MARCHF3: variants seen among roughly 807,000 people sequenced by gnomAD.
The protein encoded by MARCHF3 is E3 ubiquitin-protein ligase MARCHF3.
A neutral mutation model predicts 24.2 loss-of-function variants in MARCHF3; 13 were observed. The ratio of observed to expected loss-of-function variants is 0.54; its 90% CI spans 0.35 to 0.85. MARCHF3 has a LOEUF of 0.85. MARCHF3 is among the 40% of genes least tolerant of loss of function. The pLI, the probability that MARCHF3 is intolerant of heterozygous loss-of-function variation, is 0.01. For missense variants in MARCHF3, 276 were observed against 325.0 expected (o/e 0.85, Z 1.16); for synonymous variants, 144 against 137.3 (o/e 1.05, Z -0.34).
At chr5:127,010,867 A>C (rs993512806) in intron 1 of MARCHF3, among the ~76,000 whole-genome samples, 1 of 152,168 alleles carries the variant, frequency 6.6e-6, no homozygotes, top group Non-Finnish European at 1.5e-5. Context: ...AAAATCACAG[A>C]GACAACAAGG....
intron 3 of MARCHF3, among the ~76,000 whole-genome samples, chr5:126,911,669 GAA>G (rs1322830439): frequency 6.6e-6 from 1 of 152,100 alleles, no homozygotes; most frequent in Non-Finnish European, 1.5e-5. Flanking sequence ...CTTGCACCAA[GAA>G]AATATGAATA....
rs543547964 is a variant in MARCHF3, at chr5:126,882,867, T to C, written c.394-4473A>G. 2.0e-5 allele frequency among the ~76,000 whole-genome samples: 3 copies of C among 152,178 alleles called. No homozygotes were observed. The East Asian group carries it at 5.8e-4, about 29-fold the overall frequency. On this transcript the variant is annotated intron_variant, in intron 3 of 4. Transcript: ENST00000308660. Reference sequence around the variant, plus strand: ...ATTATTATCACTGCCATTTTATAGATAGGGAAAATGAGACACAGAGAATTT... The same window carrying C: ...ATTATTATCACTGCCATTTTATAGACAGGGAAAATGAGACACAGAGAATTT...
intron 1 of MARCHF3, among the ~76,000 whole-genome samples, chr5:126,939,733 C>T (rs777479799): frequency 6.6e-6 from 1 of 152,106 alleles, no homozygotes; most frequent in Non-Finnish European, 1.5e-5. Flanking sequence ...AATACTGAAC[C>T]ATTGCTCTTA....
chr5:126,878,327 A>T lies in MARCHF3; in HGVS notation c.461T>A (p.Phe154Tyr). Residue 154 changes from phenylalanine (F) to tyrosine (Y), a missense_variant, in exon 4 of 5, where the codon TTT becomes TAT. Phe to Tyr is a conservative substitution (Grantham distance 22). Transcript: ENST00000308660. ...CGAGATGGTGGCCAGGGGAGTTATA[A>T]ACAAGAAGCACACCATGTCGCCAAA... is the stretch of plus-strand genomic sequence containing the variant. ...TLFGDMVCFL[F>Y]ITPLATISGW... The T allele has an allele frequency of 6.2e-7, 1 of 1,614,226 alleles. No individual in the cohort carries two copies. Among genetic ancestry groups the T allele is most frequent in the Non-Finnish European group, 8.5e-7 (1 of 1,180,042 alleles).
intron 2 of MARCHF3, among the ~76,000 whole-genome samples, chr5:126,916,964 A>G (rs990550879): frequency 2.6e-5 from 4 of 152,226 alleles, no homozygotes; most frequent in Non-Finnish European, 4.4e-5. Flanking sequence ...TTGCACTAGC[A>G]GCACAGATTT....
chr5:126,985,770 C>G lies in MARCHF3; in HGVS notation c.-57+44580G>C, dbSNP rs1751545535. ...GATTACAGGCGTGAGCCACTGCGCC[C>G]GGCCTACCTGGATGAATTTTTAGAG... On this transcript the variant is annotated intron_variant, in intron 1 of 4. Transcript: ENST00000308660. 2.0e-5 allele frequency among the ~76,000 whole-genome samples: 3 copies of G among 152,184 alleles called. No homozygotes were observed. The South Asian group carries it at 6.2e-4, about 32-fold the overall frequency.
Position 126,874,757 on chromosome 5 carries a change from TG to T in MARCHF3, c.603+3427del, listed in dbSNP as rs774270122. Among the ~76,000 whole-genome samples, 9 of 152,240 alleles carry T rather than the reference TG, an allele frequency of 5.9e-5. No individual in the cohort carries two copies. The East Asian group carries it at 1.2e-3, about 20-fold the overall frequency. On this transcript the variant is annotated intron_variant, in intron 4 of 4. Coordinates refer to ENST00000308660, the MANE Select transcript of MARCHF3 (RefSeq NM_178450.5). ...CTCACCTATCTATCTCTGACTGCAC[TG>T]GGGAAAAGGAGTATAGGAGTGAATT... is the stretch of plus-strand genomic sequence containing the variant.
At position 126,956,862 on chromosome 5, in the gene MARCHF3, G is replaced by C. The variant is rs528815741; in HGVS notation, c.-56-38635C>G. Among the ~76,000 whole-genome samples the C allele has an allele frequency of 5.9e-5, 9 of 152,064 alleles. No homozygotes were observed. The South Asian group carries it at 1.2e-3, about 21-fold the overall frequency. On this transcript the variant is annotated intron_variant, in intron 1 of 4. Transcript: ENST00000308660. ...AAACTGCCCATTTCACCAAATCTTTGTCATGACTAGGTTTTATCATTTAAA... is the reference window on the plus strand; with the variant it reads ...AAACTGCCCATTTCACCAAATCTTTCTCATGACTAGGTTTTATCATTTAAA...
intron 1 of MARCHF3, among the ~76,000 whole-genome samples, chr5:126,987,549 TTC>T (rs1440375579): frequency 6.6e-6 from 1 of 152,106 alleles, no homozygotes; most frequent in Non-Finnish European, 1.5e-5. Context: ...AAACAAATAT[TTC>T]TCTGTCTTTC....
chr5:126,924,802 G>A (rs1749238309), intron 1 of MARCHF3, among the ~76,000 whole-genome samples: 1 of 152,232 alleles, frequency 6.6e-6, no homozygotes, highest in Admixed American at 6.5e-5. Context: ...TGCCAAGGAG[G>A]CTATTCACTA....
chr5:127,021,420 C>CA (rs1174932875), intron 1 of MARCHF3, among the ~76,000 whole-genome samples: 3 of 152,138 alleles, frequency 2.0e-5, no homozygotes, highest in Non-Finnish European at 4.4e-5. Context: ...TTGCATGTAA[C>CA]AGAGAGCAGA....
chr5:126,884,895 C>G (rs1238412944), intron 3 of MARCHF3, among the ~76,000 whole-genome samples: 2 of 152,212 alleles, frequency 1.3e-5, no homozygotes, highest in Non-Finnish European at 2.9e-5. Flanking sequence ...CTTCTTTGCT[C>G]AAAACTCTCC....
chr5:126,870,645 C>G lies in MARCHF3; in HGVS notation c.750G>C (p.Glu250Asp). 1.2e-6 allele frequency: 2 copies of G among 1,614,140 alleles called. No individual in the cohort carries two copies. The highest frequency in any genetic ancestry group is 1.7e-6 in the Non-Finnish European group (2 of 1,179,998). The change falls in exon 5 of 5, where the codon GAG (glutamate) becomes GAC (aspartate). Residue 250 changes from glutamate (E) to aspartate (D), a missense_variant. Transcript: ENST00000308660. The stretch of plus-strand genomic sequence containing the variant: ...AACCATACAAACATCAAACAACTGT[C>G]TCCTTTGAGTTCCTCTTGACCGAAT... The part of the protein sequence containing the change: ...GLHSVKRNSK[E>D]TVV
chr5:126,944,031 T>G (rs1444348478), intron 1 of MARCHF3, among the ~76,000 whole-genome samples: 5 of 151,942 alleles, frequency 3.3e-5, no homozygotes, highest in Non-Finnish European at 7.4e-5. Flanking sequence ...CAGGCTGTCT[T>G]GAACTCCTGA....
chr5:126,952,264 ACT>A (rs1750269132), intron 1 of MARCHF3, among the ~76,000 whole-genome samples: 1 of 151,710 alleles, frequency 6.6e-6, no homozygotes, highest in Non-Finnish European at 1.5e-5. Context: ...TTCTAGCTAG[ACT>A]CTTTTTATTA....
Position 126,904,104 on chromosome 5 carries a change from A to T in MARCHF3, c.393+10826T>A, listed in dbSNP as rs552126556. 7.0e-3 allele frequency among the ~76,000 whole-genome samples: 1,052 copies of T among 149,874 alleles called. 10 individuals are homozygous for T. Among genetic ancestry groups the T allele is most frequent in the African/African-American group, 0.025 (1,002 of 40,122 alleles). ...TTGCGATAGTTTACTGAGAATGATG[A>T]TTTCCAATTTCATCCACGTCCCTAC... On this transcript the variant is annotated intron_variant, in intron 3 of 4. Transcript: ENST00000308660.
chr5:126,912,564 TTTTGCTGA>T (rs1754575543), intron 3 of MARCHF3, among the ~76,000 whole-genome samples: 1 of 152,076 alleles, frequency 6.6e-6, no homozygotes, highest in Non-Finnish European at 1.5e-5. Flanking sequence ...AATAGGCAGG[TTTTGCTGA>T]TTTGCTTAAA....
chr5:126,959,107 C>T (rs1750549343), intron 1 of MARCHF3, among the ~76,000 whole-genome samples: 1 of 152,058 alleles, frequency 6.6e-6, no homozygotes, highest in African/African-American at 2.4e-5. Flanking sequence ...GAGTATAGGC[C>T]ATCTCTTCCA....
intron 1 of MARCHF3, among the ~76,000 whole-genome samples, chr5:126,948,186 A>C (rs956642779): frequency 1.3e-5 from 2 of 152,130 alleles, no homozygotes; most frequent in Non-Finnish European, 2.9e-5. Context: ...GTGCCTGCCC[A>C]GTTTTCTTAA....
Sources: allele counts gnomAD v4.1 joint callset (sites outside exome capture counted in the v4.1 genomes callset), GRCh38; gene constraint gnomAD v4.1.1; transcripts MANE v1.5; gene names NCBI Gene and HGNC (gene_info 2026-07-23, HGNC 2026-07-21).